The following USP32 variants were observed in gnomAD, a reference collection of about 807,000 sequenced individuals.
USP32 encodes the protein ubiquitin carboxyl-terminal hydrolase 32.
Under a neutral mutation model 204.8 loss-of-function variants are expected in USP32, and 59 were observed. The ratio of observed to expected loss-of-function variants is 0.29; its 90% confidence interval spans 0.23 to 0.36. USP32 has a LOEUF of 0.36. Ranked by LOEUF, USP32 falls within the 10% of genes least tolerant of loss-of-function variation. The pLI is 1.00. For missense variants in USP32, 1,160 were observed against 1,946.4 expected, an observed-to-expected ratio of 0.60 and a Z score of 7.60; for synonymous variants, 517 against 678.4, an observed-to-expected ratio of 0.76 and a Z score of 3.70.
intron 1 of USP32, among the ~76,000 whole-genome samples, chr17:60,406,086 G>A (rs553309087): frequency 6.7e-6 from 1 of 149,990 alleles, no homozygotes; most frequent in African/African-American, 2.5e-5. Flanking sequence ...GAGTCCAGGA[G>A]GTCAAGGCTG....
chr17:60,337,191 G>C (rs1287447300), intron 2 of USP32, among the ~76,000 whole-genome samples: 1 of 152,186 alleles, frequency 6.6e-6, no homozygotes, highest in African/African-American at 2.4e-5. Flanking sequence ...CCCCAACTCA[G>C]AGGACATCTA....
chr17:60,362,873 G>A (rs1408127265), intron 1 of USP32, among the ~76,000 whole-genome samples: 3 of 150,756 alleles, frequency 2.0e-5, no homozygotes, highest in Non-Finnish European at 4.4e-5. Flanking sequence ...TTAGTCAAAA[G>A]GCAGCTAATA....
intron 1 of USP32, among the ~76,000 whole-genome samples, chr17:60,400,773 C>A (rs2089928992): frequency 6.6e-6 from 1 of 152,142 alleles, no homozygotes; most frequent in Admixed American, 6.6e-5. Flanking sequence ...GTAATCCCAG[C>A]TATTTGGGAT....
chr17:60,275,862 C>T (rs531164743), intron 5 of USP32, among the ~76,000 whole-genome samples: 1 of 151,522 alleles, frequency 6.6e-6, no homozygotes, highest in Admixed American at 6.6e-5. Context: ...CAGGCACCTG[C>T]CACCATGCCT....
chr17:60,348,371 A>G (rs1022091393), intron 1 of USP32, among the ~76,000 whole-genome samples: 1 of 152,118 alleles, frequency 6.6e-6, no homozygotes, highest in Non-Finnish European at 1.5e-5. Flanking sequence ...TAAGAAAGAG[A>G]AAGAAAATTG....
At chr17:60,238,764 A>C (rs565316811) in intron 11 of USP32, among the ~76,000 whole-genome samples, 1 of 149,534 alleles carries the variant, frequency 6.7e-6, no homozygotes, top group Admixed American at 6.8e-5. Flanking sequence ...AGATCATGCC[A>C]TTGCACTCCA....
intron 16 of USP32, among the ~76,000 whole-genome samples, chr17:60,214,981 T>C (rs141975764): frequency 6.6e-6 from 1 of 152,170 alleles, no homozygotes; most frequent in Non-Finnish European, 1.5e-5. Flanking sequence ...GTTTGTTTGT[T>C]TTTAATAGAT....
At chr17:60,251,508 A>G (rs2086167187) in intron 11 of USP32, among the ~76,000 whole-genome samples, 1 of 152,202 alleles carries the variant, frequency 6.6e-6, no homozygotes, top group Non-Finnish European at 1.5e-5. Context: ...AATACTTTCA[A>G]GAAAAAGTCA....
chr17:60,419,720 G>A (rs1465599473), intron 1 of USP32, among the ~76,000 whole-genome samples: 2 of 136,672 alleles, frequency 1.5e-5, no homozygotes, highest in East Asian at 2.1e-4. Flanking sequence ...GTGACACAGC[G>A]AGACACCATC....
chr17:60,409,457 T>C (rs1476916738), intron 1 of USP32, among the ~76,000 whole-genome samples: 1 of 152,064 alleles, frequency 6.6e-6, no homozygotes, highest in Non-Finnish European at 1.5e-5. Context: ...AAATTCAACA[T>C]GGCAGCTGGC....
intron 1 of USP32, among the ~76,000 whole-genome samples, chr17:60,399,820 C>G (rs1010907551): frequency 1.3e-5 from 2 of 152,156 alleles, no homozygotes; most frequent in East Asian, 1.9e-4. Context: ...GAGGCAAGAG[C>G]ACATCTGCCA....
chr17:60,241,783 T>C (rs1328673531), intron 11 of USP32, among the ~76,000 whole-genome samples: 2 of 152,238 alleles, frequency 1.3e-5, no homozygotes, highest in Admixed American at 6.5e-5. Flanking sequence ...TTATCATATA[T>C]AAAATTTGCA....
intron 1 of USP32, among the ~76,000 whole-genome samples, chr17:60,381,295 A>G (rs2089642398): frequency 6.6e-6 from 1 of 152,096 alleles, no homozygotes; most frequent in Admixed American, 6.6e-5. Flanking sequence ...TAAAAAAATT[A>G]GCCAGGTGTG....
At chr17:60,328,132 T>C (rs2088290820) in intron 2 of USP32, among the ~76,000 whole-genome samples, 3 of 152,188 alleles carry the variant, frequency 2.0e-5, no homozygotes. Flanking sequence ...GCTAGTCCTG[T>C]GGACTGGAGT....
chr17:60,217,314 G>C (rs2145544727), intron 16 of USP32, among the ~76,000 whole-genome samples: 1 of 152,134 alleles, frequency 6.6e-6, no homozygotes, highest in Non-Finnish European at 1.5e-5. Context: ...ATATTTTTTT[G>C]AGACAGAGTC....
chr17:60,210,738 GGTTTACTCTTCATATAAGAT>G (rs1266174680), intron 21 of USP32, among the ~76,000 whole-genome samples: 2 of 152,230 alleles, frequency 1.3e-5, no homozygotes, highest in East Asian at 3.8e-4. Flanking sequence ...TACCAAAAAA[GGTTTACTCTTCATATAAGAT>G]GTTTGACAAA....
At chr17:60,370,212 T>G (rs892286727) in intron 1 of USP32, among the ~76,000 whole-genome samples, 4 of 151,934 alleles carry the variant, frequency 2.6e-5, no homozygotes, top group African/African-American at 9.7e-5. Flanking sequence ...TAAAAAGAAT[T>G]TTTTTAAATG....
chr17:60,303,087 A>G (rs1180159386), intron 2 of USP32, among the ~76,000 whole-genome samples: 1 of 152,198 alleles, frequency 6.6e-6, no homozygotes, highest in Non-Finnish European at 1.5e-5. Context: ...GTCAAAAACT[A>G]TCTATCTCTA....
At chr17:60,253,056 A>C (rs1008814549) in intron 10 of USP32, among the ~76,000 whole-genome samples, 22 of 152,318 alleles carry the variant, frequency 1.4e-4, no homozygotes, top group African/African-American at 5.1e-4. Context: ...TCAGCTTTTC[A>C]GTATAAAATG....
Sources: allele counts gnomAD v4.1 joint callset (sites outside exome capture counted in the v4.1 genomes callset), GRCh38; gene constraint gnomAD v4.1.1; transcripts MANE v1.5; gene names NCBI Gene and HGNC (gene_info 2026-07-23, HGNC 2026-07-21).